The following TEAD1 variants were observed in gnomAD, a reference collection of about 807,000 sequenced individuals.
TEAD1 encodes the protein transcriptional enhancer factor TEF-1.
TEAD1 carries 9 observed loss-of-function variants against 54.9 expected under a neutral mutation model. The ratio of observed to expected loss-of-function variants is 0.16; its 90% CI spans 0.10 to 0.29. The LOEUF (loss-of-function observed/expected upper bound fraction) is 0.29, where lower values mean the gene tolerates loss of function less well. Ranked by LOEUF, TEAD1 falls within the 10% of genes least tolerant of loss-of-function variation. The pLI, the probability that TEAD1 is intolerant of heterozygous loss-of-function variation, is 1.00. For synonymous variants in TEAD1, 200 were observed against 187.8 expected (o/e 1.07, Z -0.53); for missense variants, 387 against 535.9 (o/e 0.72, Z 2.74).
chr11:12,784,702 T>G (rs1028473611), intron 3 of TEAD1, among the ~76,000 whole-genome samples: 1 of 152,172 alleles, frequency 6.6e-6, no homozygotes, highest in Admixed American at 6.5e-5. Flanking sequence ...CATGTTCCTT[T>G]CTGTGGCCCC....
intron 3 of TEAD1, among the ~76,000 whole-genome samples, chr11:12,818,410 T>G (rs1004943513): frequency 1.3e-5 from 2 of 152,214 alleles, no homozygotes; most frequent in Non-Finnish European, 2.9e-5. Context: ...ATCAAGGGAT[T>G]TTTTTTCAGA....
chr11:12,779,244 GAACTAAGTA>G (rs764514386), intron 3 of TEAD1, among the ~76,000 whole-genome samples: 18 of 152,186 alleles, frequency 1.2e-4, no homozygotes, highest in Non-Finnish European at 2.2e-4. Flanking sequence ...CGGGAGCAAT[GAACTAAGTA>G]AACTCTCACT....
At chr11:12,676,895 T>C (rs1253839883) in intron 2 of TEAD1, among the ~76,000 whole-genome samples, 5 of 152,240 alleles carry the variant, frequency 3.3e-5, no homozygotes, top group Non-Finnish European at 2.9e-5. Flanking sequence ...GGGTTCTTGC[T>C]GATGGTATCA....
At chr11:12,911,875 T>C (rs547254158) in intron 10 of TEAD1, among the ~76,000 whole-genome samples, 2 of 152,236 alleles carry the variant, frequency 1.3e-5, no homozygotes, top group African/African-American at 4.8e-5. Context: ...ATGCCAAACT[T>C]CTTTGTAGGC....
intron 2 of TEAD1, among the ~76,000 whole-genome samples, chr11:12,739,666 G>A (rs1375766313): frequency 6.6e-6 from 1 of 152,102 alleles, no homozygotes; most frequent in Admixed American, 6.6e-5. Context: ...AAAACCTCAA[G>A]CATATGTGAA....
intron 2 of TEAD1, among the ~76,000 whole-genome samples, chr11:12,681,130 C>T (rs1483602313): frequency 1.3e-5 from 2 of 152,110 alleles, no homozygotes; most frequent in Non-Finnish European, 2.9e-5. Flanking sequence ...CTGAAGGAAC[C>T]ATCAGCCCCA....
At chr11:12,719,293 A>G (rs1944129952) in intron 2 of TEAD1, among the ~76,000 whole-genome samples, 1 of 152,058 alleles carries the variant, frequency 6.6e-6, no homozygotes, top group Admixed American at 6.5e-5. Flanking sequence ...TCCTGTGGAA[A>G]TGATTGCGTC....
At position 12,756,544 on chromosome 11, in the gene TEAD1, A is replaced by G. The variant is rs191945977; in HGVS notation, c.-54-7635A>G. On this transcript the variant is annotated intron_variant, in intron 2 of 12. Transcript: ENST00000527636. ...AGCAATTAACCATTATTAGTGTCTG[A>G]CATTCCTCTCAGCTGCCCACAGCGG... Among the ~76,000 whole-genome samples, 62 of 152,308 alleles carry G rather than the reference A, an allele frequency of 4.1e-4. 2 individuals are homozygous for G. Among genetic ancestry groups the G allele is most frequent in the African/African-American group, 1.4e-3 (59 of 41,564 alleles).
At chr11:12,914,218 C>CT in intron 10 of TEAD1, among the ~76,000 whole-genome samples, 1 of 152,302 alleles carries the variant, frequency 6.6e-6, no homozygotes, top group East Asian at 1.9e-4. Flanking sequence ...TTAGAGCAAG[C>CT]TTTTAAGATT....
chr11:12,840,065 G>A (rs1946992582), intron 3 of TEAD1, among the ~76,000 whole-genome samples: 1 of 151,850 alleles, frequency 6.6e-6, no homozygotes, highest in African/African-American at 2.4e-5. Flanking sequence ...GGCTAACATG[G>A]TGAAATCCCG....
intron 5 of TEAD1, among the ~76,000 whole-genome samples, chr11:12,866,225 G>A (rs1947612629): frequency 6.6e-6 from 1 of 152,122 alleles, no homozygotes; most frequent in Non-Finnish European, 1.5e-5. Context: ...CCCAGTTTTT[G>A]CTCAAGTTCT....
chr11:12,773,472 A>C (rs1945353882), intron 3 of TEAD1, among the ~76,000 whole-genome samples: 2 of 152,184 alleles, frequency 1.3e-5, no homozygotes, highest in South Asian at 4.1e-4. Context: ...TAGGTGTGTA[A>C]TTGATACCTC....
chr11:12,865,108 C>CGT (rs561068078), intron 5 of TEAD1: 19 of 643,574 alleles, frequency 3.0e-5, no homozygotes, highest in East Asian at 5.7e-5. Context: ...TGTGTGTTTG[C>CGT]GTGTGTGTGT....
At chr11:12,724,527 GATGACTC>G (rs1944276687) in intron 2 of TEAD1, among the ~76,000 whole-genome samples, 1 of 152,236 alleles carries the variant, frequency 6.6e-6, no homozygotes, top group Non-Finnish European at 1.5e-5. Flanking sequence ...AAGGAGTGCT[GATGACTC>G]ATCCTCTGAA....
chr11:12,916,149 G>A (rs900707241), intron 10 of TEAD1, among the ~76,000 whole-genome samples: 2 of 152,058 alleles, frequency 1.3e-5, no homozygotes, highest in Non-Finnish European at 2.9e-5. Context: ...GTTAATGATG[G>A]CCTTTTTTTT....
intron 3 of TEAD1, among the ~76,000 whole-genome samples, chr11:12,846,867 T>C (rs374033187): frequency 2.0e-5 from 3 of 152,210 alleles, no homozygotes; most frequent in African/African-American, 7.2e-5. Context: ...TTCATTCTGT[T>C]AGGGAACAAA....
chr11:12,787,581 C>G (rs1460289443), intron 3 of TEAD1, among the ~76,000 whole-genome samples: 1 of 152,114 alleles, frequency 6.6e-6, no homozygotes, highest in South Asian at 2.1e-4. Context: ...AGCTAAAGAG[C>G]TTGAAAGCAT....
chr11:12,679,562 T>A (rs1050736116), intron 2 of TEAD1, among the ~76,000 whole-genome samples: 2 of 152,188 alleles, frequency 1.3e-5, no homozygotes, highest in Non-Finnish European at 2.9e-5. Context: ...CTGCTGCTAA[T>A]GGTGGGAAAT....
At chr11:12,711,208 C>T (rs1228157498) in intron 2 of TEAD1, among the ~76,000 whole-genome samples, 2 of 151,822 alleles carry the variant, frequency 1.3e-5, no homozygotes, top group Non-Finnish European at 2.9e-5. Flanking sequence ...TGCAGCGGCT[C>T]GGGAAGAGGT....
Sources: gnomAD v4.1 joint callset for allele counts (sites outside exome capture counted in the v4.1 genomes callset) on GRCh38, gnomAD v4.1.1 for gene constraint, MANE v1.5 for transcripts, NCBI Gene and HGNC (gene_info 2026-07-23, HGNC 2026-07-21) for gene names.